The following THADA variants were observed in gnomAD, a reference collection of about 807,000 sequenced individuals.
The protein encoded by THADA is tRNA (32-2'-O)-methyltransferase regulator THADA.
THADA carries 213 observed loss-of-function variants against 219.8 expected under a neutral mutation model. That is an observed-to-expected ratio of 0.97 (90% CI 0.87 to 1.09). The LOEUF is 1.09. Among genes scored for constraint, THADA ranks in the 50% least tolerant of loss-of-function variants. The pLI, the probability that THADA is intolerant of heterozygous loss-of-function variation, is 0.00. For synonymous variants in THADA, 1,018 were observed against 828.9 expected, an observed-to-expected ratio of 1.23 and a Z score of -3.92; for missense variants, 2,956 against 2,311.3, an observed-to-expected ratio of 1.28 and a Z score of -5.72.
At chr2:43,349,336 G>A (rs539189922) in intron 29 of THADA, among the ~76,000 whole-genome samples, 1 of 152,290 alleles carries the variant, frequency 6.6e-6, no homozygotes, top group South Asian at 2.1e-4. Context: ...AGAGACTCAG[G>A]GGAGCCCCAG....
intron 22 of THADA, among the ~76,000 whole-genome samples, chr2:43,524,420 A>T (rs979609203): frequency 6.6e-6 from 1 of 152,196 alleles, no homozygotes; most frequent in Non-Finnish European, 1.5e-5. Context: ...TAATCTCTTT[A>T]AGTGCTTCCT....
At chr2:43,474,752 T>C (rs959913255) in intron 26 of THADA, among the ~76,000 whole-genome samples, 5 of 152,156 alleles carry the variant, frequency 3.3e-5, no homozygotes, top group Non-Finnish European at 5.9e-5. Context: ...TGAGTGATCA[T>C]AGAGATAAAT....
intron 22 of THADA, among the ~76,000 whole-genome samples, chr2:43,518,942 C>T (rs1558899201): frequency 1.3e-5 from 2 of 152,114 alleles, no homozygotes; most frequent in Non-Finnish European, 2.9e-5. Context: ...GTATTTCCAA[C>T]TGTCTGCTAT....
chr2:43,479,876 A>G (rs1455691332), intron 26 of THADA, among the ~76,000 whole-genome samples: 1 of 152,206 alleles, frequency 6.6e-6, no homozygotes, highest in Non-Finnish European at 1.5e-5. Context: ...CGTCCAGATA[A>G]AGAATCTTAA....
intron 28 of THADA, among the ~76,000 whole-genome samples, chr2:43,403,083 T>C (rs17030749): frequency 0.23 from 34,283 of 152,168 alleles, 4,026 homozygotes; most frequent in South Asian, 0.3. Flanking sequence ...GTCATTAACC[T>C]TATTTTAAGA....
At chr2:43,571,328 T>C (rs189954237) in intron 13 of THADA, among the ~76,000 whole-genome samples, 23 of 150,870 alleles carry the variant, frequency 1.5e-4, no homozygotes, top group Admixed American at 9.3e-4. Context: ...CTCGGCTCAC[T>C]GCAACCTCCG....
intron 7 of THADA, among the ~76,000 whole-genome samples, chr2:43,582,689 C>A (rs992114304): frequency 2.7e-5 from 4 of 149,892 alleles, no homozygotes; most frequent in African/African-American, 9.8e-5. Context: ...CCTGCCTCAT[C>A]CTCCCAAGTA....
intron 29 of THADA, among the ~76,000 whole-genome samples, chr2:43,393,988 C>T (rs896235318): frequency 3.9e-5 from 6 of 152,168 alleles, no homozygotes; most frequent in Admixed American, 6.5e-5. Flanking sequence ...GATAAGTAAC[C>T]TAGTAATAAT....
chr2:43,363,581 G>C (rs1259235466), intron 29 of THADA, among the ~76,000 whole-genome samples: 1 of 152,124 alleles, frequency 6.6e-6, no homozygotes, highest in Non-Finnish European at 1.5e-5. Flanking sequence ...TGATCCAGAG[G>C]GATGTCTTCA....
At chr2:43,286,546 G>C (rs758111710) in intron 35 of THADA, among the ~76,000 whole-genome samples, 11 of 152,118 alleles carry the variant, frequency 7.2e-5, no homozygotes, top group Admixed American at 1.3e-4. Context: ...TTCGAGACCA[G>C]CCTGGCCAAT....
Position 43,356,937 on chromosome 2 carries a change from C to G in THADA, c.4228-12700G>C, listed in dbSNP as rs1239034110. ...ACTTGCTTTTTTATCACAGCAACTA[C>G]CAAATGCTCAACTTTGCAAAAAGAT... On this transcript the variant is annotated intron_variant, in intron 29 of 37. Transcript: ENST00000405975. Among the ~76,000 whole-genome samples, 4 of 152,256 alleles carry G rather than the reference C, an allele frequency of 2.6e-5. 1 individual carries two copies. The highest frequency in any genetic ancestry group is 9.6e-5 in the African/African-American group (4 of 41,548).
chr2:43,580,368 C>T (rs1189958729), intron 8 of THADA, among the ~76,000 whole-genome samples: 1 of 151,864 alleles, frequency 6.6e-6, no homozygotes. Context: ...ATCATGTATT[C>T]TCTACATTTC....
intron 25 of THADA, among the ~76,000 whole-genome samples, chr2:43,492,962 G>A (rs902916649): frequency 3.3e-5 from 5 of 152,144 alleles, no homozygotes; most frequent in African/African-American, 7.2e-5. Context: ...CAAGGCACGC[G>A]GCACAGTGAA....
chr2:43,592,148 A>G, intron 2 of THADA, 102 bp from the exon 3 acceptor site: 3 of 1,032,448 alleles, frequency 2.9e-6, no homozygotes, highest in East Asian at 2.6e-5. Context: ...AACCATAGCA[A>G]TAGGTGGAAC....
intron 36 of THADA, among the ~76,000 whole-genome samples, chr2:43,272,509 C>T (rs1672243122): frequency 6.6e-6 from 1 of 152,066 alleles, no homozygotes; most frequent in Admixed American, 6.5e-5. Flanking sequence ...TGATTGAATA[C>T]CCTTGATCTG....
chr2:43,304,987 A>G (rs183505255), intron 31 of THADA, among the ~76,000 whole-genome samples: 39 of 152,252 alleles, frequency 2.6e-4, no homozygotes, highest in African/African-American at 2.2e-4. Context: ...TTCACTTTCA[A>G]TGCATAGGGA....
At chr2:43,399,175 A>G (rs984286911) in intron 28 of THADA, among the ~76,000 whole-genome samples, 1 of 152,236 alleles carries the variant, frequency 6.6e-6, no homozygotes, top group Non-Finnish European at 1.5e-5. Context: ...TAGAACGCTC[A>G]AGACTTCATG....
At chr2:43,442,806 G>A (rs1384702775) in intron 26 of THADA, among the ~76,000 whole-genome samples, 2 of 152,176 alleles carry the variant, frequency 1.3e-5, no homozygotes, top group African/African-American at 4.8e-5. Context: ...TAAGGACCAT[G>A]TCTTCTAGTT....
chr2:43,379,460 T>A (rs1204524951), intron 29 of THADA, among the ~76,000 whole-genome samples: 1 of 152,156 alleles, frequency 6.6e-6, no homozygotes, highest in African/African-American at 2.4e-5. Context: ...GATAGCCTAC[T>A]AAAAGACAAG....
Sources: allele counts gnomAD v4.1 joint callset (sites outside exome capture counted in the v4.1 genomes callset), GRCh38; gene constraint gnomAD v4.1.1; transcripts MANE v1.5; gene names NCBI Gene and HGNC (gene_info 2026-07-23, HGNC 2026-07-21).